The following MYRFL variants were observed in gnomAD, a reference collection of about 807,000 sequenced individuals.
The protein encoded by MYRFL is myelin regulatory factor like, also known as myelin regulatory factor-like protein.
A neutral mutation model predicts 109.4 loss-of-function variants in MYRFL; 88 were observed. That is an observed-to-expected ratio of 0.80 (90% CI 0.68 to 0.96). The LOEUF (loss-of-function observed/expected upper bound fraction) is 0.96, where lower values mean the gene tolerates loss of function less well. Ranked by LOEUF, MYRFL falls within the 40% of genes least tolerant of loss-of-function variation. MYRFL has a pLI of 0.00. For synonymous variants in MYRFL, 324 were observed against 320.9 expected (o/e 1.01, Z -0.10); for missense variants, 957 against 954.9 (o/e 1.00, Z -0.03).
intron 2 of MYRFL, among the ~76,000 whole-genome samples, chr12:69,868,394 T>C (rs1279617481): frequency 1.3e-5 from 2 of 152,158 alleles, no homozygotes; most frequent in Non-Finnish European, 2.9e-5. Context: ...ATTACGGGCA[T>C]GAGCCACCGC....
At chr12:69,897,903 C>A (rs973703303) in intron 10 of MYRFL, among the ~76,000 whole-genome samples, 3 of 152,220 alleles carry the variant, frequency 2.0e-5, no homozygotes, top group African/African-American at 7.2e-5. Flanking sequence ...TTGGTCACAG[C>A]TGTGCAGCGG....
chr12:69,890,829 T>G, intron 6 of MYRFL, 142 bp from the exon 7 acceptor site: 1 of 559,598 alleles, frequency 1.8e-6, no homozygotes, highest in Non-Finnish European at 2.8e-6. Context: ...CATTAAAAAT[T>G]CAAGAAATCA....
chr12:69,857,200 C>T (rs1484595182), intron 2 of MYRFL, among the ~76,000 whole-genome samples: 1 of 151,862 alleles, frequency 6.6e-6, no homozygotes, highest in African/African-American at 2.4e-5. Flanking sequence ...TATTTCTAGA[C>T]TCTTCATTCC....
chr12:69,943,849 C>T (rs891584511), intron 19 of MYRFL, among the ~76,000 whole-genome samples: 3 of 151,666 alleles, frequency 2.0e-5, no homozygotes, highest in African/African-American at 4.9e-5. Context: ...AAAAAACAAA[C>T]AGCCCCATCA....
Position 69,927,670 on chromosome 12 carries a change from C to T in MYRFL, c.1767-15C>T, listed in dbSNP as rs1239822. On this transcript the variant is annotated splice_polypyrimidine_tract_variant and intron_variant, in intron 14 of 24. Transcript: ENST00000552032. ...AGGTATTTGAATAGTAACCAATTTTCTCTCTCTTTTAAAGCAAATCTAGCA... is the reference window on the plus strand; with the variant it reads ...AGGTATTTGAATAGTAACCAATTTTTTCTCTCTTTTAAAGCAAATCTAGCA... 0.66 allele frequency: 1,007,304 copies of T among 1,520,638 alleles called. 339,331 individuals are homozygous for T. The highest frequency in any genetic ancestry group is 0.99 in the East Asian group (40,484 of 40,776). The allele number at this position is 1,520,638 out of a possible 1,614,324, so 94.2% of individuals were successfully genotyped here. A position where few individuals can be genotyped will look rare whatever the true frequency, so the allele number is the denominator to read the frequency against.
chr12:69,932,665 A>C, intron 16 of MYRFL, 67 bp downstream of exon 16: 2 of 1,193,254 alleles, frequency 1.7e-6, no homozygotes, highest in South Asian at 1.3e-5. Flanking sequence ...CTTTTATCAC[A>C]TATGAACTGG....
rs992926446 is a variant in MYRFL at position 69,957,853 on chromosome 12, A to G, written c.2482A>G (p.Lys828Glu). The G allele has an allele frequency of 6.5e-7, 1 of 1,534,710 alleles. No individual in the cohort carries two copies. Among genetic ancestry groups the G allele is most frequent in the Non-Finnish European group, 8.7e-7 (1 of 1,145,748 alleles). ...TTEPLIVFQC[K>E]FTLGNICFHS... ...AGAGCCATTGATAGTCTTCCAGTGC[A>G]AATTCACCCTTGGAAATATATGTTT... Residue 828 changes from lysine (K) to glutamate (E), a missense_variant, in exon 23 of 25, where the codon AAA (lysine) becomes GAA (glutamate). Physicochemically the swap from Lys to Glu is moderately conservative, Grantham distance 56 (BLOSUM62 1). Transcript: ENST00000552032.
chr12:69,841,611 C>A (rs545999234), intron 1 of MYRFL, among the ~76,000 whole-genome samples: 2 of 152,170 alleles, frequency 1.3e-5, no homozygotes, highest in African/African-American at 4.8e-5. Context: ...CACACCACAC[C>A]AGGTCAGACT....
chr12:69,835,973 G>A (rs1429701571), intron 1 of MYRFL, among the ~76,000 whole-genome samples: 1 of 152,188 alleles, frequency 6.6e-6, no homozygotes, highest in South Asian at 2.1e-4. Context: ...CTACCTTGTC[G>A]CAAGGACAAG....
At chr12:69,857,133 T>A (rs1884341382) in intron 2 of MYRFL, among the ~76,000 whole-genome samples, 1 of 151,934 alleles carries the variant, frequency 6.6e-6, no homozygotes, top group Non-Finnish European at 1.5e-5. Flanking sequence ...TAACTTTCTT[T>A]CATTAAATTA....
At chr12:69,953,763 G>A (rs986309449) in intron 21 of MYRFL, among the ~76,000 whole-genome samples, 34 of 69,224 alleles carry the variant, frequency 4.9e-4, no homozygotes, top group African/African-American at 1.5e-3. Flanking sequence ...AGTGCAACCC[G>A]GACACACACA....
intron 2 of MYRFL, among the ~76,000 whole-genome samples, chr12:69,869,447 A>G (rs1402217007): frequency 2.0e-5 from 3 of 152,242 alleles, no homozygotes; most frequent in African/African-American, 4.8e-5. Flanking sequence ...GTCACTCAGT[A>G]AGATGAAGAC....
At chr12:69,931,681 C>T (rs1000723910) in intron 15 of MYRFL, among the ~76,000 whole-genome samples, 1 of 152,068 alleles carries the variant, frequency 6.6e-6, no homozygotes, top group African/African-American at 2.4e-5. Flanking sequence ...AGATATAATA[C>T]TCCTTATTGC....
intron 13 of MYRFL, among the ~76,000 whole-genome samples, chr12:69,921,510 A>T (rs1414377663): frequency 6.6e-6 from 1 of 152,232 alleles, no homozygotes; most frequent in Non-Finnish European, 1.5e-5. Flanking sequence ...GAACATATTT[A>T]TACTGGATTT....
In MYRFL at chr12:69,908,372, A is replaced by G. The variant is rs1448876712; in HGVS notation, c.1384-1597A>G. ...TGCTATGAGCACATAAAGCAGAGGAACTTTGCCTAGACTTGGAGGTCAAGA... is the reference window on the plus strand; with the variant it reads ...TGCTATGAGCACATAAAGCAGAGGAGCTTTGCCTAGACTTGGAGGTCAAGA... On this transcript the variant is annotated intron_variant, in intron 11 of 24. Coordinates refer to ENST00000552032, the MANE Select transcript of MYRFL (RefSeq NM_182530.3). Among the ~76,000 whole-genome samples the G allele has an allele frequency of 2.0e-5, 3 of 152,320 alleles. No homozygotes were observed. In the East Asian group the frequency reaches 5.8e-4, roughly 29 times the overall value.
chr12:69,944,157 CA>C (rs1955755444), intron 19 of MYRFL, among the ~76,000 whole-genome samples: 1 of 148,484 alleles, frequency 6.7e-6, no homozygotes, highest in Non-Finnish European at 1.5e-5. Context: ...CTAGAAATAC[CA>C]TTTGACCCAG....
In MYRFL at chr12:69,927,689, T is replaced by G. The variant is rs1955140563; in HGVS notation, c.1771T>G (p.Ser591Ala). 6.5e-7 allele frequency: 1 copy of G among 1,533,006 alleles called. No individual in the cohort carries two copies. The highest frequency in any genetic ancestry group is 8.7e-7 in the Non-Finnish European group (1 of 1,146,316). 95.0% of individuals were successfully genotyped at this position (1,533,006 alleles called of 1,614,324 possible). A position where few individuals can be genotyped will look rare whatever the true frequency, so the allele number is the denominator to read the frequency against. Reference protein sequence around the residue: ...SASEASTISKSSRAVSASSPR... With the variant: ...SASEASTISKASRAVSASSPR... Reference sequence around the variant, plus strand: ...AATTTTCTCTCTCTTTTAAAGCAAATCTAGCAGAGCCGTTAGTGCATCTTC... The same window carrying G: ...AATTTTCTCTCTCTTTTAAAGCAAAGCTAGCAGAGCCGTTAGTGCATCTTC... Residue 591 changes from serine to alanine, a missense_variant, in exon 15 of 25, where the codon TCT becomes GCT. Coordinates refer to ENST00000552032, the MANE Select transcript of MYRFL (RefSeq NM_182530.3).
At chr12:69,829,287 T>G (rs974559210) in intron 1 of MYRFL, among the ~76,000 whole-genome samples, 4 of 152,066 alleles carry the variant, frequency 2.6e-5, no homozygotes, top group African/African-American at 9.7e-5. Context: ...CAGATAGCTA[T>G]TATCAAAAGA....
intron 9 of MYRFL, 29 bp downstream of exon 9, chr12:69,895,510 G>T (rs1953960089): frequency 2.6e-6 from 4 of 1,521,436 alleles, no homozygotes; most frequent in Non-Finnish European, 3.5e-6. Flanking sequence ...GCATGGCAGT[G>T]TGGCTGGGTA....
Sources: gnomAD v4.1 joint callset for allele counts (sites outside exome capture counted in the v4.1 genomes callset) on GRCh38, gnomAD v4.1.1 for gene constraint, MANE v1.5 for transcripts, NCBI Gene and HGNC (gene_info 2026-07-23, HGNC 2026-07-21) for gene names.